Variants in AGPAT4 observed in about 807,000 individuals in gnomAD.
AGPAT4 encodes 1-acyl-sn-glycerol-3-phosphate acyltransferase delta.
AGPAT4 carries 15 observed loss-of-function variants against 48.0 expected under a neutral mutation model. That is an observed-to-expected ratio of 0.31 (90% CI 0.21 to 0.48). The LOEUF (loss-of-function observed/expected upper bound fraction) is 0.48. Ranked by LOEUF, AGPAT4 falls within the 20% of genes least tolerant of loss-of-function variation. The probability of loss-of-function intolerance (pLI) is 0.99; values close to 1 mark genes in which losing one functional copy is unlikely to be tolerated. For synonymous variants in AGPAT4, 178 were observed against 198.7 expected (o/e 0.90, Z 0.88); for missense variants, 314 against 482.5 (o/e 0.65, Z 3.27).
At position 161,245,784 on chromosome 6, in the gene AGPAT4, G is replaced by C. The variant is rs769037369; in HGVS notation, c.-89-13482C>G. ...GGTAAGGAGTGCGAGGAAGGCGGGA[G>C]AATCAATATGGCTGGATTTTAAATC... On this transcript the variant is annotated intron_variant, in intron 1 of 8. Coordinates refer to ENST00000320285, the MANE Select transcript of AGPAT4 (RefSeq NM_020133.3). This position sits in a 1 kb window ranked among gnomAD's most constrained non-coding sequence, Gnocchi z 5.2. Among the ~76,000 whole-genome samples the C allele has an allele frequency of 2.7e-4, 41 of 152,170 alleles. No individual in the cohort carries two copies. The highest frequency in any genetic ancestry group is 2.6e-4 in the Admixed American group (4 of 15,286).
In AGPAT4 at chr6:161,273,612, T is replaced by G. The variant is rs1477762041; in HGVS notation, c.-90+326A>C. Among the ~76,000 whole-genome samples, 7 of 152,196 alleles carry G rather than the reference T, an allele frequency of 4.6e-5. No homozygotes were observed. The East Asian group carries it at 1.4e-3, about 29-fold the overall frequency. On this transcript the variant is annotated intron_variant, in intron 1 of 8. Coordinates refer to ENST00000320285, the MANE Select transcript of AGPAT4 (RefSeq NM_020133.3). Reference sequence around the variant, plus strand: ...GCTTCGTCTATAGCAGAGAAAATGCTTTAGCCCCGGGAGGGGGCTGGGTGG... The same window carrying G: ...GCTTCGTCTATAGCAGAGAAAATGCGTTAGCCCCGGGAGGGGGCTGGGTGG...
rs1033346421 is a variant in AGPAT4, at chr6:161,231,388, T to C, written c.178+648A>G. Among the ~76,000 whole-genome samples the C allele has an allele frequency of 6.6e-6, 1 of 150,444 alleles. No homozygotes were observed. Among genetic ancestry groups the C allele is most frequent in the African/African-American group, 2.5e-5 (1 of 39,874 alleles). On this transcript the variant is annotated intron_variant, in intron 2 of 8. Coordinates refer to ENST00000320285, the MANE Select transcript of AGPAT4 (RefSeq NM_020133.3). This position sits in a 1 kb window ranked among gnomAD's most constrained non-coding sequence, Gnocchi z 5.3. ...ACACGGACACATACACACACACAAA[T>C]GAGTGTACTTAAAAGTGGAGAAATA...
chr6:161,134,602 T>C lies in AGPAT4; in HGVS notation c.*1938A>G, dbSNP rs1364522181. On this transcript the variant is annotated 3_prime_UTR_variant, in exon 9 of 9. Transcript: ENST00000320285. Reference sequence around the variant, plus strand: ...GGGGAAATGAGTCAGCAAGGAAAAGTGTCTCACCCAAATCCTACAGCCGAT... The same window carrying C: ...GGGGAAATGAGTCAGCAAGGAAAAGCGTCTCACCCAAATCCTACAGCCGAT... 2 of 151,984 alleles carry C rather than the reference T, an allele frequency of 1.3e-5. No individual in the cohort carries two copies. Among genetic ancestry groups the C allele is most frequent in the African/African-American group, 2.4e-5 (1 of 41,346 alleles). The allele number at this position is 151,984 out of a possible 1,614,324, so 9.4% of individuals were successfully genotyped here.
chr6:161,136,197 AG>A lies in AGPAT4; in HGVS notation c.*342del, dbSNP rs924084736. 20 of 262,152 alleles carry A rather than the reference AG, an allele frequency of 7.6e-5. No individual in the cohort carries two copies. Among genetic ancestry groups the A allele is most frequent in the African/African-American group, 4.2e-4 (19 of 45,168 alleles). 16.2% of individuals were successfully genotyped at this position (262,152 alleles called of 1,614,324 possible). A position where few individuals can be genotyped will look rare whatever the true frequency, so the allele number is the denominator to read the frequency against. On this transcript the variant is annotated 3_prime_UTR_variant, in exon 9 of 9. Transcript: ENST00000320285. ...AGAAAACTCAGCACCAAAGGATGAA[AG>A]GGGAACTTGTCCCCTTCGGTCCCCA...
chr6:161,240,989 G>C lies in AGPAT4; in HGVS notation c.-89-8687C>G, dbSNP rs1177055024. Among the ~76,000 whole-genome samples the C allele has an allele frequency of 6.6e-6, 1 of 152,074 alleles. No homozygotes were observed. Among genetic ancestry groups the C allele is most frequent in the Non-Finnish European group, 1.5e-5 (1 of 68,022 alleles). On this transcript the variant is annotated intron_variant, in intron 1 of 8. Transcript: ENST00000320285. The surrounding 1 kb of genome is among the most constrained non-coding windows in gnomAD (Gnocchi z 5.5). The stretch of plus-strand genomic sequence containing the variant: ...TTAAAAAATAATCATCATCGGCCAG[G>C]TGCAGCGGCTCACACCTGTAATCCC...
Position 161,130,707 on chromosome 6 carries a change from C to T in AGPAT4, c.*5833G>A. ...CTGTGGGCGGCCTGGGCCAGCCTTG[C>T]TGTGTTTGCCTCAGATGCGAGTAAG... On this transcript the variant is annotated 3_prime_UTR_variant, in exon 9 of 9. Transcript: ENST00000320285. 1 of 361,914 alleles carries T rather than the reference C, an allele frequency of 2.8e-6. No homozygotes were observed. The highest frequency in any genetic ancestry group is 5.7e-6 in the Non-Finnish European group (1 of 176,382). The allele number at this position is 361,914 out of a possible 1,614,324, so 22.4% of individuals were successfully genotyped here.
intron 2 of AGPAT4, among the ~76,000 whole-genome samples, chr6:161,193,008 A>T (rs7758121): frequency 0.18 from 27,247 of 151,814 alleles, 4,374 homozygotes; most frequent in African/African-American, 0.44. Flanking sequence ...GTGTGACTGG[A>T]TTTTTCTTTT....
intron 5 of AGPAT4, among the ~76,000 whole-genome samples, chr6:161,152,737 G>A (rs1779628696): frequency 6.6e-6 from 1 of 152,210 alleles, no homozygotes; most frequent in African/African-American, 2.4e-5. Context: ...AGGAGCACAG[G>A]AAGCCGCCCC....
intron 2 of AGPAT4, among the ~76,000 whole-genome samples, chr6:161,181,831 T>C (rs927374302): frequency 6.6e-6 from 1 of 151,978 alleles, no homozygotes; most frequent in Non-Finnish European, 1.5e-5. Flanking sequence ...TTGAAAGCCA[T>C]CAGGATTATA....
rs570828516 is a variant in AGPAT4 at position 161,205,219 on chromosome 6, T to C, written c.178+26817A>G. 6.4e-4 allele frequency among the ~76,000 whole-genome samples: 97 copies of C among 151,636 alleles called. 1 individual carries two copies. The highest frequency in any genetic ancestry group is 2.2e-3 in the African/African-American group (89 of 41,350). On this transcript the variant is annotated intron_variant, in intron 2 of 8. Coordinates refer to ENST00000320285, the MANE Select transcript of AGPAT4 (RefSeq NM_020133.3). Reference sequence around the variant, plus strand: ...CTCCTGGCTGCCCCACCACAGAGAGTGGGCATGCACATCCCACTGACCAGA... The same window carrying C: ...CTCCTGGCTGCCCCACCACAGAGAGCGGGCATGCACATCCCACTGACCAGA...
intron 1 of AGPAT4, among the ~76,000 whole-genome samples, chr6:161,252,466 ATAGAAAATAAT>A (rs1442223742): frequency 6.6e-5 from 10 of 152,324 alleles, no homozygotes; most frequent in Middle Eastern, 3.4e-3. Flanking sequence ...AAATGAATAA[ATAGAAAATAAT>A]TATAAAATCT....
chr6:161,159,611 G>A lies in AGPAT4; in HGVS notation c.349-5301C>T, dbSNP rs1302206538. Reference sequence around the variant, plus strand: ...TGAATCAGTTTGTGTGCACGCGTGCGTGTGTGTGTGTGTTCATCAAAAGGT... The same window carrying A: ...TGAATCAGTTTGTGTGCACGCGTGCATGTGTGTGTGTGTTCATCAAAAGGT... On this transcript the variant is annotated intron_variant, in intron 3 of 8. Transcript: ENST00000320285. This position sits in a 1 kb window ranked among gnomAD's most constrained non-coding sequence, Gnocchi z 4.1. 2.6e-5 allele frequency among the ~76,000 whole-genome samples: 4 copies of A among 151,726 alleles called. No individual in the cohort carries two copies. Among genetic ancestry groups the A allele is most frequent in the South Asian group, 2.1e-4 (1 of 4,806 alleles).
At chr6:161,273,794 T>TCCCCCCCCC (rs398003232) in intron 1 of AGPAT4, 144 bp downstream of exon 1, 5 of 72,266 alleles carry the variant, frequency 6.9e-5, no homozygotes, top group African/African-American at 9.6e-5. Flanking sequence ...CGCCTTGCAC[T>TCCCCCCCCC]CCCCCCCCGC....
chr6:161,206,538 A>G lies in AGPAT4; in HGVS notation c.178+25498T>C, dbSNP rs1271881128. ...ATAATAAGGTGGCATCCCTTGACCC[A>G]GTGACACAGTATCAGAGAAAATCTG... is the stretch of plus-strand genomic sequence containing the variant. On this transcript the variant is annotated intron_variant, in intron 2 of 8. Transcript: ENST00000320285. This position sits in a 1 kb window ranked among gnomAD's most constrained non-coding sequence, Gnocchi z 4.8. Among the ~76,000 whole-genome samples the G allele has an allele frequency of 6.6e-6, 1 of 152,202 alleles. No individual in the cohort carries two copies. Among genetic ancestry groups the G allele is most frequent in the African/African-American group, 2.4e-5 (1 of 41,466 alleles).
rs190136305 is a variant in AGPAT4, at chr6:161,201,212, G to A, written c.178+30824C>T. On this transcript the variant is annotated intron_variant, in intron 2 of 8. Transcript: ENST00000320285. The surrounding 1 kb of genome is among the most constrained non-coding windows in gnomAD (Gnocchi z 6.0). The stretch of plus-strand genomic sequence containing the variant: ...TGGGGATTGGAGGCTGTTCAAGAGA[G>A]ACTTAATTCTGTACCTAATCAGATA... 2.3e-3 allele frequency among the ~76,000 whole-genome samples: 354 copies of A among 152,270 alleles called. 1 individual carries two copies. Among genetic ancestry groups the A allele is most frequent in the African/African-American group, 8.0e-3 (333 of 41,542 alleles).
At position 161,249,082 on chromosome 6, in the gene AGPAT4, A is replaced by G. The variant is rs1421980867; in HGVS notation, c.-89-16780T>C. Among the ~76,000 whole-genome samples the G allele has an allele frequency of 6.6e-6, 1 of 152,248 alleles. No individual in the cohort carries two copies. The highest frequency in any genetic ancestry group is 1.5e-5 in the Non-Finnish European group (1 of 68,050). On this transcript the variant is annotated intron_variant, in intron 1 of 8. Coordinates refer to ENST00000320285, the MANE Select transcript of AGPAT4 (RefSeq NM_020133.3). The surrounding 1 kb of genome is among the most constrained non-coding windows in gnomAD (Gnocchi z 6.2). ...CAATGGGGAAAGGACTCCCTATTCA[A>G]TAAACAGTGCTGGGATAACTGGCTA...
At position 161,232,619 on chromosome 6, in the gene AGPAT4, C is replaced by G. The variant is rs1185738649; in HGVS notation, c.-89-317G>C. ...GCTCCCCAGCTGGGCAGCAGCTGAG[C>G]CAGCCACGGAGCCCTGGGTCCCACT... is the stretch of plus-strand genomic sequence containing the variant. On this transcript the variant is annotated intron_variant, in intron 1 of 8. Coordinates refer to ENST00000320285, the MANE Select transcript of AGPAT4 (RefSeq NM_020133.3). This position sits in a 1 kb window ranked among gnomAD's most constrained non-coding sequence, Gnocchi z 6.8. Among the ~76,000 whole-genome samples, 6 of 152,180 alleles carry G rather than the reference C, an allele frequency of 3.9e-5. No homozygotes were observed. Among genetic ancestry groups the G allele is most frequent in the Non-Finnish European group, 1.5e-5 (1 of 68,022 alleles).
In AGPAT4 at chr6:161,135,359, T is replaced by C. The variant is rs1430947548; in HGVS notation, c.*1181A>G. On this transcript the variant is annotated 3_prime_UTR_variant, in exon 9 of 9. Transcript: ENST00000320285. ...AGCATTTGTTCTGCAAAAATAGCAC[T>C]GCTTTTAGTTTCTTCTTCTTTTGCA... The C allele has an allele frequency of 6.6e-6, 1 of 152,266 alleles. No individual in the cohort carries two copies. The highest frequency in any genetic ancestry group is 6.5e-5 in the Admixed American group (1 of 15,290). The allele number at this position is 152,266 out of a possible 1,614,324, so 9.4% of individuals were successfully genotyped here.
intron 2 of AGPAT4, among the ~76,000 whole-genome samples, chr6:161,179,468 A>G (rs1780525456): frequency 1.3e-5 from 2 of 152,200 alleles, no homozygotes; most frequent in Non-Finnish European, 2.9e-5. Flanking sequence ...AAAATGCCCA[A>G]CTCAAAGGTT....
Sources: gnomAD v4.1 joint callset for allele counts (sites outside exome capture counted in the v4.1 genomes callset) on GRCh38, gnomAD v4.1.1 for gene constraint, Gnocchi (gnomAD v3.1) non-coding constraint, MANE v1.5 for transcripts, NCBI Gene and HGNC (gene_info 2026-07-23, HGNC 2026-07-21) for gene names.